MDGA2: variants seen among roughly 807,000 people sequenced by gnomAD.
MDGA2 encodes the protein MAM domain containing glycosylphosphatidylinositol anchor 2.
In MDGA2, 40 loss-of-function variants were observed where a neutral mutation model predicts 117.8. That is an observed-to-expected ratio of 0.34 (90% CI 0.26 to 0.44). The LOEUF is 0.44. Ranked by LOEUF, MDGA2 falls within the 20% of genes least tolerant of loss-of-function variation. The pLI, the probability that MDGA2 is intolerant of heterozygous loss-of-function variation, is 1.00. For missense variants in MDGA2, 1,123 were observed against 1,250.6 expected (o/e 0.90, Z 1.54); for synonymous variants, 452 against 439.0 (o/e 1.03, Z -0.37).
chr14:47,313,523 T>C (rs1397147594), intron 1 of MDGA2, among the ~76,000 whole-genome samples: 1 of 152,044 alleles, frequency 6.6e-6, no homozygotes, highest in Non-Finnish European at 1.5e-5. Flanking sequence ...TCTCAAACAC[T>C]TGGGCTCAAG....
intron 6 of MDGA2, among the ~76,000 whole-genome samples, chr14:47,075,571 T>C (rs1368275587): frequency 6.6e-6 from 1 of 152,186 alleles, no homozygotes; most frequent in African/African-American, 2.4e-5. Context: ...AATTTCCATA[T>C]TTTAATAACT....
chr14:47,323,269 T>A (rs1359895812), intron 1 of MDGA2, among the ~76,000 whole-genome samples: 1 of 150,166 alleles, frequency 6.7e-6, no homozygotes, highest in Non-Finnish European at 1.5e-5. Flanking sequence ...AGGTATTTTT[T>A]AAATGACTTG....
intron 1 of MDGA2, among the ~76,000 whole-genome samples, chr14:47,651,970 A>G (rs764785361): frequency 2.0e-5 from 3 of 152,180 alleles, no homozygotes; most frequent in Non-Finnish European, 4.4e-5. Context: ...TAAAAATGTG[A>G]AAGAGACAGT....
At chr14:47,168,858 T>C (rs1884000682) in intron 3 of MDGA2, among the ~76,000 whole-genome samples, 3 of 152,092 alleles carry the variant, frequency 2.0e-5, no homozygotes, top group Non-Finnish European at 4.4e-5. Flanking sequence ...TGATTTTTCT[T>C]TTGACTGGGA....
intron 1 of MDGA2, among the ~76,000 whole-genome samples, chr14:47,364,262 T>G (rs972279239): frequency 2.6e-5 from 4 of 152,132 alleles, no homozygotes; most frequent in African/African-American, 9.7e-5. Context: ...CAGAATTATA[T>G]TATATTTATT....
intron 8 of MDGA2, among the ~76,000 whole-genome samples, chr14:46,982,350 AAT>A (rs1886705013): frequency 6.6e-6 from 1 of 152,086 alleles, no homozygotes; most frequent in Non-Finnish European, 1.5e-5. Context: ...TTAAAATAAA[AAT>A]ATTTATTTAC....
At chr14:47,503,578 G>T (rs1245031443) in intron 1 of MDGA2, among the ~76,000 whole-genome samples, 1 of 151,926 alleles carries the variant, frequency 6.6e-6, no homozygotes, top group African/African-American at 2.4e-5. Context: ...CTAATTTTTT[G>T]TATTTTTAGT....
chr14:47,638,754 C>T (rs940415197), intron 1 of MDGA2, among the ~76,000 whole-genome samples: 1 of 152,180 alleles, frequency 6.6e-6, no homozygotes, highest in African/African-American at 2.4e-5. Context: ...ACAGGTTTAA[C>T]CCTTTATAGT....
intron 2 of MDGA2, among the ~76,000 whole-genome samples, chr14:47,284,553 G>T (rs17671047): frequency 0.091 from 13,842 of 152,012 alleles, 779 homozygotes; most frequent in Non-Finnish European, 0.11. Context: ...GATACTATTT[G>T]GTTTCTTGGT....
intron 1 of MDGA2, among the ~76,000 whole-genome samples, chr14:47,432,306 T>C (rs1381982662): frequency 1.3e-5 from 2 of 152,122 alleles, no homozygotes; most frequent in African/African-American, 4.8e-5. Context: ...ATTAAGGGAA[T>C]CTCACACTTA....
At chr14:47,446,739 T>TAA (rs5808398) in intron 1 of MDGA2, among the ~76,000 whole-genome samples, 1 of 151,630 alleles carries the variant, frequency 6.6e-6, no homozygotes, top group African/African-American at 2.4e-5. Context: ...TAAGTAAAAT[T>TAA]AAAAAAAGCC....
chr14:47,522,307 G>T (rs1369867112), intron 1 of MDGA2, among the ~76,000 whole-genome samples: 2 of 148,728 alleles, frequency 1.3e-5, no homozygotes, highest in African/African-American at 4.9e-5. Context: ...ATATGTGTGG[G>T]TATATATATG....
chr14:47,370,752 T>C (rs1275631214), intron 1 of MDGA2, among the ~76,000 whole-genome samples: 3 of 151,572 alleles, frequency 2.0e-5, no homozygotes, highest in African/African-American at 7.3e-5. Context: ...TGTAAACAAA[T>C]AAATAATACA....
chr14:47,373,070 A>G (rs1263330992), intron 1 of MDGA2, among the ~76,000 whole-genome samples: 1 of 152,096 alleles, frequency 6.6e-6, no homozygotes, highest in Non-Finnish European at 1.5e-5. Context: ...ATAAGTTTGT[A>G]TATGTGTTTT....
chr14:46,852,879 A>G (rs1360576371), intron 15 of MDGA2, among the ~76,000 whole-genome samples: 1 of 151,962 alleles, frequency 6.6e-6, no homozygotes, highest in African/African-American at 2.4e-5. Context: ...GAATACTTAT[A>G]AGAATACAAA....
intron 1 of MDGA2, among the ~76,000 whole-genome samples, chr14:47,533,600 GA>G (rs767105934): frequency 1.9e-4 from 29 of 152,132 alleles, no homozygotes; most frequent in Non-Finnish European, 3.1e-4. Flanking sequence ...CCACATATTA[GA>G]ATATAATTTG....
intron 2 of MDGA2, among the ~76,000 whole-genome samples, chr14:47,263,881 C>T (rs1328338340): frequency 6.6e-6 from 1 of 152,114 alleles, no homozygotes; most frequent in Non-Finnish European, 1.5e-5. Context: ...CAATTGAACT[C>T]TAAGTTCAAA....
chr14:46,898,524 G>A (rs371735604), intron 10 of MDGA2, among the ~76,000 whole-genome samples: 4 of 151,982 alleles, frequency 2.6e-5, no homozygotes, highest in Non-Finnish European at 5.9e-5. Context: ...AGTTTGGGAG[G>A]CCACTGAGAT....
intron 1 of MDGA2, among the ~76,000 whole-genome samples, chr14:47,611,762 A>G (rs1896852519): frequency 6.6e-6 from 1 of 152,200 alleles, no homozygotes; most frequent in South Asian, 2.1e-4. Context: ...GTGCTTGGAA[A>G]GCCACATGCC....
Sources: allele counts gnomAD v4.1 joint callset (sites outside exome capture counted in the v4.1 genomes callset), GRCh38; gene constraint gnomAD v4.1.1; transcripts MANE v1.5; gene names NCBI Gene and HGNC (gene_info 2026-07-23, HGNC 2026-07-21).